Variants in PREX1 observed in about 807,000 individuals in gnomAD.
PREX1 encodes the protein phosphatidylinositol-3,4,5-trisphosphate dependent Rac exchange factor 1.
A neutral mutation model predicts 198.3 loss-of-function variants in PREX1; 41 were observed. That is an observed-to-expected ratio of 0.21 (90% CI 0.16 to 0.27). The LOEUF (loss-of-function observed/expected upper bound fraction) is 0.27. PREX1 is among the 10% of genes least tolerant of loss of function. The probability of loss-of-function intolerance (pLI) is 1.00; values close to 1 mark genes in which losing one functional copy is unlikely to be tolerated. For synonymous variants in PREX1, 843 were observed against 887.2 expected (o/e 0.95, Z 0.89); for missense variants, 1,620 against 2,200.7 (o/e 0.74, Z 5.28).
chr20:48,646,145 G>A (rs2089449496), intron 25 of PREX1, 88 bp from the exon 26 acceptor site: 1 of 1,323,924 alleles, frequency 7.6e-7, no homozygotes, highest in Non-Finnish European at 1.1e-6. Flanking sequence ...CTGCAGGTGT[G>A]AGCACTGGCC....
At chr20:48,739,632 G>A (rs983356699) in intron 3 of PREX1, among the ~76,000 whole-genome samples, 1 of 152,156 alleles carries the variant, frequency 6.6e-6, no homozygotes, top group Non-Finnish European at 1.5e-5. Context: ...CGAGCCGCGT[G>A]GCAGCACGGA....
intron 34 of PREX1, 33 bp from the exon 35 acceptor site, chr20:48,632,424 G>T: frequency 6.2e-7 from 1 of 1,613,172 alleles, no homozygotes; most frequent in Non-Finnish European, 8.5e-7. Flanking sequence ...CGGGCAGGCG[G>T]TTGGGAGCCG....
the PREX1 span, among the ~76,000 whole-genome samples, chr20:48,874,826 G>A: frequency 2.0e-5 from 3 of 150,208 alleles, no homozygotes; most frequent in African/African-American, 4.9e-5. Flanking sequence ...GTAGTGAGCC[G>A]AGATCACACC....
chr20:48,701,925 T>C (rs2089876991), intron 6 of PREX1, among the ~76,000 whole-genome samples: 1 of 151,882 alleles, frequency 6.6e-6, no homozygotes. Flanking sequence ...AAAATTAAGA[T>C]AAAGAGGCTG....
chr20:48,651,431 C>T lies in PREX1; in HGVS notation c.2620G>A (p.Val874Met), dbSNP rs752025821. 5.6e-6 allele frequency: 9 copies of T among 1,611,982 alleles called. No homozygotes were observed. Among genetic ancestry groups the T allele is most frequent in the Admixed American group, 1.7e-5 (1 of 59,950 alleles). ...GVRCHVLEKI[V>M]EPRGCFGLTA... ...AGGCCGAAGCAGCCGCGGGGCTCCA[C>T]GATCTTCTCCAGCACATGGCACCTG... The change falls in exon 22 of 40, where the codon GTG (valine) becomes ATG (methionine). Residue 874 changes from valine (V) to methionine (M), a missense_variant. By Grantham distance (21) the Val-to-Met change is conservative. This residue lies in a region of PREX1 where 514 missense variants were observed against 611.6 expected (regional missense o/e 0.84). Coordinates refer to ENST00000371941, the MANE Select transcript of PREX1 (RefSeq NM_020820.4).
chr20:48,735,207 T>C (rs1369194523), intron 3 of PREX1, among the ~76,000 whole-genome samples: 2 of 152,128 alleles, frequency 1.3e-5, no homozygotes, highest in Non-Finnish European at 2.9e-5. Context: ...CAACTGAGCA[T>C]TCTTGGTTCC....
chr20:48,714,240 C>T (rs530488018), intron 5 of PREX1, among the ~76,000 whole-genome samples: 74 of 152,292 alleles, frequency 4.9e-4, no homozygotes, highest in Non-Finnish European at 1.9e-4. Context: ...ACGTGAATTT[C>T]ACCACAATTT....
chr20:48,712,895 G>A (rs376345539), intron 5 of PREX1, among the ~76,000 whole-genome samples: 194 of 152,342 alleles, frequency 1.3e-3, no homozygotes, highest in Middle Eastern at 0.01. Context: ...GGAGGCCCAG[G>A]CAGGCAGATC....
chr20:48,768,401 C>A (rs369815298), intron 1 of PREX1, among the ~76,000 whole-genome samples: 1 of 152,114 alleles, frequency 6.6e-6, no homozygotes, highest in Admixed American at 6.6e-5. Flanking sequence ...ATGGCCCAAG[C>A]GAAAGAAGCC....
intron 1 of PREX1, among the ~76,000 whole-genome samples, chr20:48,779,061 C>A (rs1437780654): frequency 2.0e-5 from 3 of 151,970 alleles, no homozygotes; most frequent in Non-Finnish European, 4.4e-5. Context: ...GTCAAGAGAA[C>A]AAAAGACAAG....
At chr20:48,646,675 CAAAAAAA>C (rs552888256) in intron 25 of PREX1, among the ~76,000 whole-genome samples, 7 of 82,528 alleles carry the variant, frequency 8.5e-5, no homozygotes, top group Non-Finnish European at 1.8e-4. Context: ...GAACCCATCT[CAAAAAAA>C]AAAAAAAAAA....
At chr20:48,865,603 A>C in the PREX1 span, among the ~76,000 whole-genome samples, 2 of 152,220 alleles carry the variant, frequency 1.3e-5, no homozygotes, top group Non-Finnish European at 2.9e-5. Flanking sequence ...GTTCCTCCAC[A>C]AGAGCTTTTA....
intron 5 of PREX1, 79 bp from the exon 6 acceptor site, chr20:48,708,500 A>G: frequency 6.7e-7 from 1 of 1,482,174 alleles, no homozygotes; most frequent in Non-Finnish European, 9.2e-7. Context: ...GCTGAACCCA[A>G]GAAAACAGAC....
rs369061833 is a variant in PREX1, at chr20:48,756,312, G to A, written c.220-8432C>T. Among the ~76,000 whole-genome samples the A allele has an allele frequency of 6.6e-5, 10 of 152,230 alleles. No individual in the cohort carries two copies. The South Asian group carries it at 1.2e-3, about 19-fold the overall frequency. On this transcript the variant is annotated intron_variant, in intron 1 of 39. Transcript: ENST00000371941. ...TTCCCACCTAGCATTCCTTCATCAC[G>A]TCCATGCCAGGGGCCAGAAACAGAG...
chr20:48,872,538 G>A, the PREX1 span, among the ~76,000 whole-genome samples: 422 of 152,222 alleles, frequency 2.8e-3, 4 homozygotes, highest in African/African-American at 9.5e-3. Flanking sequence ...GAGGTCAGGA[G>A]TTCAAGAGCA....
At chr20:48,733,808 T>C (rs1223919836) in intron 4 of PREX1, among the ~76,000 whole-genome samples, 1 of 152,184 alleles carries the variant, frequency 6.6e-6, no homozygotes, top group East Asian at 1.9e-4. Context: ...TGGAGTACAG[T>C]GGTACCATCT....
chr20:48,847,117 TA>T, the PREX1 span, among the ~76,000 whole-genome samples: 1 of 151,976 alleles, frequency 6.6e-6, no homozygotes, highest in Admixed American at 6.5e-5. Context: ...GGGGCTTTCT[TA>T]AAAAGACAGT....
At position 48,653,315 on chromosome 20, in the gene PREX1, C is replaced by G. The variant is rs370516161; in HGVS notation, c.2346+46G>C. 1.1e-5 allele frequency: 17 copies of G among 1,598,004 alleles called. No individual in the cohort carries two copies. In the East Asian group the frequency reaches 1.1e-4, roughly 11 times the overall value. On this transcript the variant is annotated intron_variant, in intron 20 of 39. Transcript: ENST00000371941. ...AGGACAGCCCTCAGCCACCCACCCC[C>G]ACTCAGCAGGACTTCTTTGACGGCC...
the PREX1 span, among the ~76,000 whole-genome samples, chr20:48,841,010 G>T: frequency 1.1e-3 from 163 of 151,956 alleles, 2 homozygotes; most frequent in African/African-American, 3.7e-3. Context: ...ATGTTGCCCA[G>T]ACTGGTCTCG....
Sources: gnomAD v4.1 joint callset for allele counts (sites outside exome capture counted in the v4.1 genomes callset) on GRCh38, gnomAD v4.1.1 for gene constraint, gnomAD v4.1.1 regional missense constraint, MANE v1.5 for transcripts, NCBI Gene and HGNC (gene_info 2026-07-23, HGNC 2026-07-21) for gene names.